MECOM: variants seen among roughly 807,000 people sequenced by gnomAD.
The protein encoded by MECOM is MDS1 and EVI1 complex locus.
Under a neutral mutation model 116.3 loss-of-function variants are expected in MECOM, and 13 were observed. That is an observed-to-expected ratio of 0.11 (90% CI 0.07 to 0.18). The LOEUF (loss-of-function observed/expected upper bound fraction) is 0.18, where lower values mean the gene tolerates loss of function less well. Ranked by LOEUF, MECOM falls within the 10% of genes least tolerant of loss-of-function variation. The probability of loss-of-function intolerance (pLI) is 1.00; values close to 1 mark genes in which losing one functional copy is unlikely to be tolerated. For missense variants in MECOM, 1,299 were observed against 1,509.0 expected, an observed-to-expected ratio of 0.86 and a Z score of 2.31; for synonymous variants, 528 against 535.2, an observed-to-expected ratio of 0.99 and a Z score of 0.19.
Position 169,493,333 on chromosome 3 carries a change from T to A in MECOM, c.38-111809A>T, listed in dbSNP as rs189387088. On this transcript the variant is annotated intron_variant, in intron 1 of 16. Transcript: ENST00000651503. ...CAACACTGTCATTTTATATTCCTCA[T>A]CTTCAAAAGGAATAATGAAGCTTTA... Among the ~76,000 whole-genome samples, 189 of 152,280 alleles carry A rather than the reference T, an allele frequency of 1.2e-3. 3 individuals carry two copies. The highest frequency in any genetic ancestry group is 3.4e-3 in the Middle Eastern group (1 of 294).
chr3:169,338,414 G>A (rs758578750), intron 2 of MECOM, among the ~76,000 whole-genome samples: 1 of 152,084 alleles, frequency 6.6e-6, no homozygotes, highest in African/African-American at 2.4e-5. Flanking sequence ...GAGAGCTGGG[G>A]CTGTGTCTTG....
At chr3:169,535,404 T>A (rs1167869992) in intron 1 of MECOM, among the ~76,000 whole-genome samples, 2 of 152,090 alleles carry the variant, frequency 1.3e-5, no homozygotes, top group East Asian at 1.9e-4. Flanking sequence ...AGAAAAAAAA[T>A]CCATGAAAGG....
chr3:169,224,729 G>C (rs1022123501), intron 2 of MECOM, among the ~76,000 whole-genome samples: 1 of 152,202 alleles, frequency 6.6e-6, no homozygotes, highest in Non-Finnish European at 1.5e-5. Flanking sequence ...TAAAATGTAT[G>C]GCATTCATTA....
intron 1 of MECOM, among the ~76,000 whole-genome samples, chr3:169,582,888 A>G (rs1276989819): frequency 2.0e-5 from 3 of 152,228 alleles, no homozygotes; most frequent in Non-Finnish European, 4.4e-5. Context: ...CAGCACATCT[A>G]TTTGGAACTT....
At chr3:169,257,179 G>A (rs1417081968) in intron 2 of MECOM, among the ~76,000 whole-genome samples, 1 of 152,208 alleles carries the variant, frequency 6.6e-6, no homozygotes, top group Non-Finnish European at 1.5e-5. Flanking sequence ...ATAGATTGGT[G>A]TACATGTACC....
intron 1 of MECOM, among the ~76,000 whole-genome samples, chr3:169,569,924 T>C (rs529493054): frequency 5.3e-5 from 8 of 151,836 alleles, no homozygotes; most frequent in African/African-American, 1.9e-4. Flanking sequence ...TAAATCACAA[T>C]TAAAAGAACT....
intron 10 of MECOM, among the ~76,000 whole-genome samples, chr3:169,105,915 G>A (rs1725248215): frequency 6.6e-6 from 1 of 152,026 alleles, no homozygotes; most frequent in African/African-American, 2.4e-5. Flanking sequence ...ATTTCAGCAG[G>A]CAAGATATTA....
intron 2 of MECOM, among the ~76,000 whole-genome samples, chr3:169,344,573 A>T (rs1725047822): frequency 6.6e-6 from 1 of 152,110 alleles, no homozygotes. Context: ...CCTCTCTGGG[A>T]CCCACTTGCC....
chr3:169,341,627 C>A (rs779701251), intron 2 of MECOM, among the ~76,000 whole-genome samples: 36 of 151,398 alleles, frequency 2.4e-4, no homozygotes, highest in African/African-American at 8.5e-4. Flanking sequence ...GTAGTCCCAG[C>A]TACTCAGGAG....
intron 2 of MECOM, among the ~76,000 whole-genome samples, chr3:169,213,841 A>T (rs1751091980): frequency 6.6e-6 from 1 of 152,116 alleles, no homozygotes; most frequent in African/African-American, 2.4e-5. Context: ...TATTTTACCA[A>T]CTGAGACCCT....
intron 2 of MECOM, among the ~76,000 whole-genome samples, chr3:169,369,715 A>C (rs961082581): frequency 6.6e-6 from 1 of 151,944 alleles, no homozygotes; most frequent in African/African-American, 2.4e-5. Flanking sequence ...AATGACGTTC[A>C]AACTCAGGGT....
At chr3:169,644,969 C>G (rs748913547) in intron 1 of MECOM, among the ~76,000 whole-genome samples, 2 of 152,072 alleles carry the variant, frequency 1.3e-5, no homozygotes, top group Non-Finnish European at 2.9e-5. Flanking sequence ...CATTCTTCTT[C>G]GGCATAAGTA....
intron 1 of MECOM, among the ~76,000 whole-genome samples, chr3:169,497,342 C>CTTTTTTTTTTTTTT (rs1349446825): frequency 6.7e-6 from 1 of 150,094 alleles, no homozygotes; most frequent in African/African-American, 2.4e-5. Context: ...TTCTCTTTTT[C>CTTTTTTTTTTTTTT]TTTTTCTTTT....
chr3:169,501,740 T>C (rs1009467988), intron 1 of MECOM, among the ~76,000 whole-genome samples: 6 of 152,240 alleles, frequency 3.9e-5, no homozygotes, highest in African/African-American at 9.6e-5. Flanking sequence ...CTCTCATTCA[T>C]GTTAGCTAGA....
At chr3:169,213,376 T>G (rs931574082) in intron 2 of MECOM, among the ~76,000 whole-genome samples, 5 of 152,178 alleles carry the variant, frequency 3.3e-5, no homozygotes, top group African/African-American at 1.2e-4. Flanking sequence ...TATGAGAAAT[T>G]AGATAATTTC....
At position 169,336,256 on chromosome 3, in the gene MECOM, C is replaced by T. The variant is rs1223735356; in HGVS notation, c.375+44931G>A. Among the ~76,000 whole-genome samples the T allele has an allele frequency of 5.9e-5, 9 of 151,966 alleles. No homozygotes were observed. The East Asian group carries it at 1.2e-3, about 20-fold the overall frequency. ...TGTAATAACATTTCCTGAGTACAATCTAGGGAGCTTCTGGGGGGCCAAATG... is the reference window on the plus strand; with the variant it reads ...TGTAATAACATTTCCTGAGTACAATTTAGGGAGCTTCTGGGGGGCCAAATG... On this transcript the variant is annotated intron_variant, in intron 2 of 16. Coordinates refer to ENST00000651503, the MANE Select transcript of MECOM (RefSeq NM_004991.4).
At chr3:169,469,069 AG>A (rs1244428099) in intron 1 of MECOM, among the ~76,000 whole-genome samples, 1 of 152,220 alleles carries the variant, frequency 6.6e-6, no homozygotes, top group Non-Finnish European at 1.5e-5. Context: ...AGATGGACAC[AG>A]GGACAGATCG....
rs147475656 is a variant in MECOM, at chr3:169,647,982, G to C, written c.37+15354C>G. 3.1e-3 allele frequency among the ~76,000 whole-genome samples: 466 copies of C among 152,212 alleles called. 3 individuals are homozygous for C. The highest frequency in any genetic ancestry group is 0.011 in the African/African-American group (447 of 41,554). ...TACCCAAAATATACTGAAGTTTTGAGATGATCACGCCTAAGAAAAAAAACA... is the reference window on the plus strand; with the variant it reads ...TACCCAAAATATACTGAAGTTTTGACATGATCACGCCTAAGAAAAAAAACA... On this transcript the variant is annotated intron_variant, in intron 1 of 16. Coordinates refer to ENST00000651503, the MANE Select transcript of MECOM (RefSeq NM_004991.4).
At chr3:169,235,646 A>T (rs1753947654) in intron 2 of MECOM, among the ~76,000 whole-genome samples, 1 of 152,198 alleles carries the variant, frequency 6.6e-6, no homozygotes, top group African/African-American at 2.4e-5. Flanking sequence ...CTATGGATAA[A>T]TGAAAACATA....
Sources: allele counts gnomAD v4.1 joint callset (sites outside exome capture counted in the v4.1 genomes callset), GRCh38; gene constraint gnomAD v4.1.1; transcripts MANE v1.5; gene names NCBI Gene and HGNC (gene_info 2026-07-23, HGNC 2026-07-21).